The following GRM8 variants were observed in gnomAD, a reference collection of about 807,000 sequenced individuals.
GRM8 encodes the protein metabotropic glutamate receptor 8.
A neutral mutation model predicts 87.2 loss-of-function variants in GRM8; 47 were observed. The ratio of observed to expected loss-of-function variants is 0.54; its 90% CI spans 0.43 to 0.69. GRM8 has a LOEUF of 0.69. Among genes scored for constraint, GRM8 ranks in the 30% least tolerant of loss-of-function variants. GRM8 has a pLI of 0.00. For missense variants in GRM8, 1,019 were observed against 1,139.2 expected (o/e 0.89, Z 1.52); for synonymous variants, 396 against 404.5 (o/e 0.98, Z 0.25).
chr7:126,871,454 G>A (rs190287036), intron 6 of GRM8, among the ~76,000 whole-genome samples: 2 of 152,180 alleles, frequency 1.3e-5, no homozygotes, highest in Admixed American at 6.6e-5. Flanking sequence ...AAATTCATAC[G>A]ACATTTGTCT....
intron 8 of GRM8, among the ~76,000 whole-genome samples, chr7:126,574,589 C>G (rs1794953477): frequency 6.6e-6 from 1 of 152,160 alleles, no homozygotes; most frequent in Non-Finnish European, 1.5e-5. Flanking sequence ...TGAAATCTTA[C>G]TACCTGAATC....
chr7:126,658,182 T>G (rs1404926217), intron 7 of GRM8, among the ~76,000 whole-genome samples: 1 of 152,186 alleles, frequency 6.6e-6, no homozygotes, highest in Non-Finnish European at 1.5e-5. Context: ...GCATAACATA[T>G]GCTGAGGCCA....
At chr7:126,793,632 G>T (rs1445829341) in intron 6 of GRM8, among the ~76,000 whole-genome samples, 1 of 152,200 alleles carries the variant, frequency 6.6e-6, no homozygotes, top group Non-Finnish European at 1.5e-5. Context: ...GCAATCACAA[G>T]TCTCCTTAGA....
chr7:126,467,910 T>C (rs918770766), intron 9 of GRM8, among the ~76,000 whole-genome samples: 6 of 152,066 alleles, frequency 3.9e-5, no homozygotes, highest in African/African-American at 1.4e-4. Flanking sequence ...AACATATCCA[T>C]GTGGAAATTG....
In GRM8 at chr7:126,512,776, G is replaced by C. The variant is rs147860249; in HGVS notation, c.2430+20176C>G. ...GAATAGTGCTGAGATGAATGACTTGGAATTGCTACACCTGCTGGAGTTTAT... is the reference window on the plus strand; with the variant it reads ...GAATAGTGCTGAGATGAATGACTTGCAATTGCTACACCTGCTGGAGTTTAT... On this transcript the variant is annotated intron_variant, in intron 9 of 10. Coordinates refer to ENST00000339582, the MANE Select transcript of GRM8 (RefSeq NM_000845.3). The C allele has an allele frequency of 1.3e-4, 20 of 152,194 alleles. No homozygotes were observed. The East Asian group carries it at 3.9e-3, about 29-fold the overall frequency. The allele number at this position is 152,194 out of a possible 1,614,324, so 9.4% of individuals were successfully genotyped here.
chr7:126,568,252 T>C (rs1158720), intron 8 of GRM8, among the ~76,000 whole-genome samples: 122,720 of 152,098 alleles, frequency 0.81, 49,770 homozygotes, highest in East Asian at 0.94. Flanking sequence ...GAATTCAATA[T>C]TCTGTTTAAA....
intron 3 of GRM8, among the ~76,000 whole-genome samples, chr7:126,955,398 A>T (rs186254815): frequency 9.1e-4 from 139 of 152,304 alleles, no homozygotes; most frequent in Non-Finnish European, 1.7e-3. Flanking sequence ...GAACTGCAGA[A>T]AAGTTCTCAA....
intron 9 of GRM8, among the ~76,000 whole-genome samples, chr7:126,532,243 C>T (rs964017131): frequency 1.4e-4 from 22 of 152,204 alleles, no homozygotes; most frequent in African/African-American, 4.1e-4. Context: ...GTCCATTGAT[C>T]TTTGCCTTCT....
intron 7 of GRM8, among the ~76,000 whole-genome samples, chr7:126,713,846 T>A (rs1470620687): frequency 6.6e-6 from 1 of 151,986 alleles, no homozygotes; most frequent in Non-Finnish European, 1.5e-5. Context: ...TATATGTATA[T>A]CTAATCATCA....
At chr7:126,484,134 A>G (rs1194943872) in intron 9 of GRM8, among the ~76,000 whole-genome samples, 1 of 152,092 alleles carries the variant, frequency 6.6e-6, no homozygotes. Flanking sequence ...AAAATATTAA[A>G]TGAAGTGCAC....
intron 7 of GRM8, among the ~76,000 whole-genome samples, chr7:126,692,430 A>G (rs1808927195): frequency 6.6e-6 from 1 of 152,218 alleles, no homozygotes; most frequent in Non-Finnish European, 1.5e-5. Flanking sequence ...AAGGACAGTG[A>G]TGACTAAGGC....
chr7:126,697,439 T>C (rs576587441), intron 7 of GRM8, among the ~76,000 whole-genome samples: 2 of 152,292 alleles, frequency 1.3e-5, no homozygotes, highest in South Asian at 4.1e-4. Context: ...CGTGACATGA[T>C]GGATATGTTA....
chr7:127,047,469 C>T (rs1819045700), intron 3 of GRM8, among the ~76,000 whole-genome samples: 1 of 151,920 alleles, frequency 6.6e-6, no homozygotes, highest in East Asian at 1.9e-4. Context: ...TCTCTTTCCT[C>T]TTCTCTCTTC....
chr7:126,736,316 T>G lies in GRM8; in HGVS notation c.1357+33549A>C, dbSNP rs76584046. On this transcript the variant is annotated intron_variant, in intron 7 of 10. Transcript: ENST00000339582. ...TAAATTCTTAAGCCATTTTTATTTT[T>G]AATTTCTTAAGCCATGTGCAAACAT... Among the ~76,000 whole-genome samples the G allele has an allele frequency of 1.2e-3, 176 of 152,212 alleles. 6 individuals are homozygous for G. The East Asian group carries it at 0.031, about 27-fold the overall frequency.
intron 7 of GRM8, among the ~76,000 whole-genome samples, chr7:126,640,741 C>G (rs73720724): frequency 9.2e-5 from 14 of 151,976 alleles, no homozygotes; most frequent in Admixed American, 3.3e-4. Flanking sequence ...ACCTTCCCCC[C>G]CTCCTACCCA....
intron 3 of GRM8, among the ~76,000 whole-genome samples, chr7:127,012,776 C>T (rs889996932): frequency 6.6e-6 from 1 of 151,990 alleles, no homozygotes; most frequent in Non-Finnish European, 1.5e-5. Context: ...CCCTTTTATT[C>T]CTTTTACACC....
At chr7:127,146,709 C>T (rs777620378) in intron 2 of GRM8, among the ~76,000 whole-genome samples, 1 of 152,014 alleles carries the variant, frequency 6.6e-6, no homozygotes, top group Non-Finnish European at 1.5e-5. Context: ...TCTAGTAGGA[C>T]ACAGCTAAGG....
At chr7:127,221,198 C>T (rs1796907163) in intron 2 of GRM8, among the ~76,000 whole-genome samples, 1 of 152,190 alleles carries the variant, frequency 6.6e-6, no homozygotes, top group Admixed American at 6.5e-5. Flanking sequence ...CCAATCTTGT[C>T]ATTTACATGT....
intron 3 of GRM8, among the ~76,000 whole-genome samples, chr7:127,001,383 A>C (rs1813715542): frequency 6.6e-6 from 1 of 151,692 alleles, no homozygotes; most frequent in East Asian, 1.9e-4. Flanking sequence ...ATGTGTTTGT[A>C]TACATACATG....
Sources: gnomAD v4.1 joint callset for allele counts (sites outside exome capture counted in the v4.1 genomes callset) on GRCh38, gnomAD v4.1.1 for gene constraint, MANE v1.5 for transcripts, NCBI Gene and HGNC (gene_info 2026-07-23, HGNC 2026-07-21) for gene names.